Variants in DMD observed in about 807,000 individuals in gnomAD.
DMD encodes mutant dystrophin.
A neutral mutation model predicts 330.1 loss-of-function variants in DMD; 63 were observed. That is an observed-to-expected ratio of 0.19 (90% CI 0.16 to 0.24). The LOEUF (loss-of-function observed/expected upper bound fraction) is 0.24. Ranked by LOEUF, DMD falls within the 10% of genes least tolerant of loss-of-function variation. DMD has a pLI of 1.00. For missense variants in DMD, 3,344 were observed against 2,684.1 expected, an observed-to-expected ratio of 1.25 and a Z score of -5.43; for synonymous variants, 1,223 against 959.8, an observed-to-expected ratio of 1.27 and a Z score of -5.07.
intron 1 of DMD, among the ~76,000 whole-genome samples, chrX:33,124,482 A>AC (rs1186163027): frequency 0.022 from 428 of 19,474 alleles, 17 homozygotes; most frequent in African/African-American, 0.056. Flanking sequence ...GTCTGAAAAA[A>AC]AAAAAAAAAA....
intron 62 of DMD, among the ~76,000 whole-genome samples, chrX:31,284,557 T>TTTCTTCCTCTTCTTCTTCTTCTTC (rs2052894261): frequency 1.3e-5 from 1 of 78,066 alleles, no homozygotes; most frequent in Non-Finnish European, 2.4e-5. Context: ...TAACGAACTG[T>TTTCTTCCTCTTCTTCTTCTTCTTC]TTCTTCTTCT....
intron 37 of DMD, among the ~76,000 whole-genome samples, chrX:32,360,435 A>T (rs1430339212): frequency 8.9e-6 from 1 of 111,765 alleles, no homozygotes; most frequent in Non-Finnish European, 1.9e-5. Context: ...TTACTAATTT[A>T]GAGAAAAACA....
intron 9 of DMD, among the ~76,000 whole-genome samples, chrX:32,673,570 G>T (rs1207704097): frequency 8.9e-6 from 1 of 111,954 alleles, no homozygotes; most frequent in Admixed American, 9.5e-5. Flanking sequence ...ACTCCAAATC[G>T]AATGTTTGTA....
intron 1 of DMD, among the ~76,000 whole-genome samples, chrX:33,077,853 A>G (rs942765153): frequency 1.8e-5 from 2 of 112,570 alleles, no homozygotes; most frequent in African/African-American, 6.5e-5. Flanking sequence ...TTTCTTTTGA[A>G]GCATAATATT....
chrX:32,533,760 T>A (rs2047693752), intron 17 of DMD, among the ~76,000 whole-genome samples: 1 of 111,989 alleles, frequency 8.9e-6, no homozygotes, highest in Admixed American at 9.5e-5. Context: ...TCATAATGAC[T>A]ACAGAAGTGT....
intron 29 of DMD, among the ~76,000 whole-genome samples, chrX:32,436,785 C>CCACA (rs774197384): frequency 5.5e-5 from 6 of 108,457 alleles, no homozygotes; most frequent in East Asian, 2.9e-4. Context: ...AACAACATTT[C>CCACA]CACACACACA....
chrX:32,242,001 T>G (rs1317805876), intron 43 of DMD, among the ~76,000 whole-genome samples: 1 of 111,652 alleles, frequency 9.0e-6, no homozygotes, highest in Non-Finnish European at 1.9e-5. Context: ...CAAGACCAGG[T>G]AGATCATCAT....
chrX:33,330,644 T>C (rs1293733310), intron 1 of DMD, among the ~76,000 whole-genome samples: 2 of 112,060 alleles, frequency 1.8e-5, no homozygotes, highest in Non-Finnish European at 3.8e-5. Context: ...TTTAATCATA[T>C]TTAATATCAT....
At chrX:31,985,144 C>G (rs1205301545) in intron 44 of DMD, among the ~76,000 whole-genome samples, 2 of 111,751 alleles carry the variant, frequency 1.8e-5, no homozygotes, top group East Asian at 5.6e-4. Context: ...AACATAGAAA[C>G]CAAGGACTCA....
chrX:32,665,524 A>G (rs1406783536), intron 9 of DMD, among the ~76,000 whole-genome samples: 1 of 112,374 alleles, frequency 8.9e-6, no homozygotes, highest in African/African-American at 3.2e-5. Flanking sequence ...TACTAAAATG[A>G]GCACATATTG....
Position 33,201,661 on chromosome X carries a change from A to G in DMD, c.31+9621T>C, listed in dbSNP as rs371020140. ...GATAAGAGAAAAATTAGTTTATGTA[A>G]AAAGGCAACAGTAATTATAGTAACT... On this transcript the variant is annotated intron_variant, in intron 1 of 78. Coordinates refer to ENST00000357033, the MANE Select transcript of DMD (RefSeq NM_004006.3). Among the ~76,000 whole-genome samples the G allele has an allele frequency of 2.6e-3, 298 of 112,476 alleles. 2 individuals are homozygous for G. The highest frequency in any genetic ancestry group is 9.3e-3 in the African/African-American group (290 of 31,035).
rs1197490695 is a variant in DMD at position 32,573,531 on chromosome X, G to A, written c.1811C>T (p.Ala604Val). ...NEMLSSLQKL[A>V]VLKADLEKKK... ...CATTGAAAGCTAGAAAGTACATACGGCCAGTTTTTGAAGACTTGATAACAT... is the reference window on the plus strand; with the variant it reads ...CATTGAAAGCTAGAAAGTACATACGACCAGTTTTTGAAGACTTGATAACAT... The change falls in exon 15 of 79, where the codon GCC becomes GTC. Residue 604 changes from alanine (A) to valine (V), a missense_variant and splice_region_variant. Ala to Val is a moderately conservative substitution (Grantham distance 64, BLOSUM62 0). Transcript: ENST00000357033. 9 of 1,205,629 alleles carry A rather than the reference G, an allele frequency of 7.5e-6. No homozygotes were observed. Among genetic ancestry groups the A allele is most frequent in the South Asian group, 1.8e-5 (1 of 56,852 alleles).
intron 50 of DMD, among the ~76,000 whole-genome samples, 193 bp from the exon 51 acceptor site, chrX:31,774,385 G>A (rs1486765728): frequency 9.0e-6 from 1 of 111,322 alleles, no homozygotes. Context: ...ATACATGGTA[G>A]AAAATGAAAA....
At chrX:31,377,704 T>C (rs2059948933) in intron 60 of DMD, among the ~76,000 whole-genome samples, 1 of 111,908 alleles carries the variant, frequency 8.9e-6, no homozygotes, top group Non-Finnish European at 1.9e-5. Context: ...CAACAGTACC[T>C]ATCTACAAGA....
At chrX:31,163,139 T>C (rs146189515) in intron 74 of DMD, among the ~76,000 whole-genome samples, 206 of 112,036 alleles carry the variant, frequency 1.8e-3, no homozygotes, top group African/African-American at 6.5e-3. Flanking sequence ...CCAAATGATA[T>C]AGTTTGGCTG....
intron 1 of DMD, among the ~76,000 whole-genome samples, chrX:33,174,328 G>A (rs2049528001): frequency 9.0e-6 from 1 of 110,927 alleles, no homozygotes; most frequent in Admixed American, 9.7e-5. Context: ...CTATGAACTC[G>A]AGAAGCCGCA....
At chrX:32,762,180 C>CAA (rs200943038) in intron 7 of DMD, among the ~76,000 whole-genome samples, 13 of 104,867 alleles carry the variant, frequency 1.2e-4, no homozygotes, top group African/African-American at 2.8e-4. Flanking sequence ...AAAAAAAAAT[C>CAA]AAAAAAAACA....
intron 41 of DMD, among the ~76,000 whole-genome samples, chrX:32,323,052 C>T (rs746285012): frequency 1.8e-5 from 2 of 111,988 alleles, no homozygotes; most frequent in Admixed American, 9.5e-5. Context: ...AGTCATCGAT[C>T]GAACACATTT....
At chrX:31,289,268 AAAAATAAAAT>A (rs1342546290) in intron 62 of DMD, among the ~76,000 whole-genome samples, 4 of 87,459 alleles carry the variant, frequency 4.6e-5, no homozygotes, top group African/African-American at 1.0e-4. Flanking sequence ...AAAAAAAATA[AAAAATAAAAT>A]AAAATCCATC....
Sources: gnomAD v4.1 joint callset for allele counts (sites outside exome capture counted in the v4.1 genomes callset) on GRCh38, gnomAD v4.1.1 for gene constraint, MANE v1.5 for transcripts, NCBI Gene and HGNC (gene_info 2026-07-23, HGNC 2026-07-21) for gene names.